SOS1: variants seen among roughly 807,000 people sequenced by gnomAD.
SOS1 encodes the protein son of sevenless homolog 1.
In SOS1, 25 loss-of-function variants were observed where a neutral mutation model predicts 157.6. The ratio of observed to expected loss-of-function variants is 0.16; its 90% CI spans 0.12 to 0.22. The LOEUF is 0.22. Ranked by LOEUF, SOS1 falls within the 10% of genes least tolerant of loss-of-function variation. SOS1 has a pLI of 1.00. For missense variants in SOS1, 1,237 were observed against 1,599.1 expected (o/e 0.77, Z 3.86); for synonymous variants, 528 against 534.0 (o/e 0.99, Z 0.16).
upstream of SOS1, among the ~76,000 whole-genome samples, chr2:39,122,445 T>TACAC (rs1353516539): frequency 7.0e-5 from 2 of 28,762 alleles, no homozygotes; most frequent in African/African-American, 3.4e-4. Flanking sequence ...CAAAAAAAAA[T>TACAC]ATACACACAC....
upstream of SOS1, among the ~76,000 whole-genome samples, chr2:39,121,494 A>C (rs1187798106): frequency 6.6e-6 from 1 of 152,222 alleles, no homozygotes; most frequent in Non-Finnish European, 1.5e-5. Flanking sequence ...CGGTGTTTCT[A>C]AGTGGTCTTT....
chr2:39,016,179 G>A (rs1305541611), intron 10 of SOS1, among the ~76,000 whole-genome samples: 2 of 151,930 alleles, frequency 1.3e-5, no homozygotes, highest in Non-Finnish European at 2.9e-5. Context: ...CTATTGATAT[G>A]TGGTCATCGA....
intron 2 of SOS1, 26 bp from the exon 3 acceptor site, chr2:39,058,830 A>G (rs1280039950): frequency 2.5e-6 from 4 of 1,592,000 alleles, no homozygotes; most frequent in South Asian, 1.1e-5. Context: ...AATAACAACT[A>G]AGCAAAAAAT....
At chr2:39,059,585 T>G (rs935003417) in intron 2 of SOS1, among the ~76,000 whole-genome samples, 13 of 152,192 alleles carry the variant, frequency 8.5e-5, no homozygotes, top group African/African-American at 2.9e-4. Context: ...CACATGTGTT[T>G]TGAATAAATG....
chr2:39,050,101 G>C (rs1420155333), intron 6 of SOS1, among the ~76,000 whole-genome samples: 1 of 152,076 alleles, frequency 6.6e-6, no homozygotes, highest in East Asian at 1.9e-4. Context: ...AGCAGGAATG[G>C]AAGGGCTGTG....
At position 39,052,925 on chromosome 2, in the gene SOS1, G is replaced by A. The variant is rs531008296; in HGVS notation, c.721-1638C>T. On this transcript the variant is annotated intron_variant, in intron 5 of 22. Coordinates refer to ENST00000402219, the MANE Select transcript of SOS1 (RefSeq NM_005633.4). ...TCCAGCATTTTGGGAGGCCAAGGCT[G>A]GCAGATCACTTGAGGTCAGGAGTTC... 2.0e-5 allele frequency among the ~76,000 whole-genome samples: 3 copies of A among 152,344 alleles called. No individual in the cohort carries two copies. The South Asian group carries it at 6.2e-4, about 32-fold the overall frequency.
intron 1 of SOS1, among the ~76,000 whole-genome samples, chr2:39,110,220 C>T (rs944999363): frequency 6.6e-6 from 1 of 152,062 alleles, no homozygotes; most frequent in Non-Finnish European, 1.5e-5. Flanking sequence ...TGCACATCCT[C>T]CCACATACCT....
Position 38,982,695 on chromosome 2 carries a change from G to A in SOS1, c.*3129C>T, listed in dbSNP as rs942653226. 6.6e-6 allele frequency: 1 copy of A among 152,130 alleles called. No homozygotes were observed. The highest frequency in any genetic ancestry group is 1.5e-5 in the Non-Finnish European group (1 of 68,002). The allele number at this position is 152,130 out of a possible 1,614,324, so 9.4% of individuals were successfully genotyped here. ...ATTGGGACACTCCTCCTATTTTGCT[G>A]AGTCACTTAAAAATCTGAATTTAAG... is the stretch of plus-strand genomic sequence containing the variant. On this transcript the variant is annotated 3_prime_UTR_variant, in exon 23 of 23. Transcript: ENST00000402219.
chr2:39,051,098 G>A, intron 6 of SOS1, 46 bp downstream of exon 6: 1 of 1,577,772 alleles, frequency 6.3e-7, no homozygotes, highest in South Asian at 1.1e-5. Context: ...TAATGTAAAT[G>A]TAGGCTTTTA....
intron 6 of SOS1, among the ~76,000 whole-genome samples, chr2:39,049,337 C>T (rs1056079091): frequency 1.3e-5 from 2 of 151,470 alleles, no homozygotes; most frequent in African/African-American, 4.9e-5. Flanking sequence ...CTGGGTCCAG[C>T]AAATGTTATA....
chr2:38,988,745 TTTACC>T (rs1226516101), intron 21 of SOS1, among the ~76,000 whole-genome samples: 1 of 152,126 alleles, frequency 6.6e-6, no homozygotes, highest in Non-Finnish European at 1.5e-5. Context: ...GACTTGTTAG[TTTACC>T]TTACAATTAA....
rs768337141 is a variant in SOS1, at chr2:39,007,034, A to T, written c.2670T>A (p.Phe890Leu). ...SSPVYRLDHT[F>L]EQIPSRQKKI... Reference sequence around the variant, plus strand: ...AAAAACACATGTAGAAACCTACCTCAAATGTGTGGTCTAGTCTGTAAACAG... The same window carrying T: ...AAAAACACATGTAGAAACCTACCTCTAATGTGTGGTCTAGTCTGTAAACAG... The change falls in exon 16 of 23, where the codon TTT becomes TTA. Residue 890 changes from phenylalanine (F) to leucine (L), a missense_variant. By Grantham distance (22) the Phe-to-Leu change is conservative (BLOSUM62 0). Coordinates refer to ENST00000402219, the MANE Select transcript of SOS1 (RefSeq NM_005633.4). 2.5e-6 allele frequency: 4 copies of T among 1,606,908 alleles called. No homozygotes were observed. The highest frequency in any genetic ancestry group is 3.4e-6 in the Non-Finnish European group (4 of 1,173,658).
chr2:39,055,803 G>A lies in SOS1; in HGVS notation c.510+899C>T, dbSNP rs185309625. On this transcript the variant is annotated intron_variant, in intron 4 of 22. Transcript: ENST00000402219. ...AATGACTAAAAGCTTTAGACTCAGA[G>A]AGACCTGGAGTTCAAGTCTAGGCTT... is the stretch of plus-strand genomic sequence containing the variant. Among the ~76,000 whole-genome samples, 158 of 152,288 alleles carry A rather than the reference G, an allele frequency of 1.0e-3. 1 individual carries two copies. In the South Asian group the frequency reaches 0.015, roughly 14 times the overall value.
At chr2:39,040,260 G>T (rs549033600) in intron 6 of SOS1, among the ~76,000 whole-genome samples, 1 of 151,742 alleles carries the variant, frequency 6.6e-6, no homozygotes, top group Non-Finnish European at 1.5e-5. Flanking sequence ...CTTGTGATCC[G>T]CCCGCCTTGG....
At chr2:39,076,072 GA>G (rs1671986529) in intron 1 of SOS1, among the ~76,000 whole-genome samples, 1 of 152,036 alleles carries the variant, frequency 6.6e-6, no homozygotes, top group Non-Finnish European at 1.5e-5. Context: ...ATCTAGGAAA[GA>G]ATAACTGTTC....
At chr2:39,042,446 C>T (rs987708379) in intron 6 of SOS1, among the ~76,000 whole-genome samples, 21 of 152,008 alleles carry the variant, frequency 1.4e-4, no homozygotes, top group African/African-American at 4.3e-4. Flanking sequence ...CTCTGTCACC[C>T]GGGCTGGAGT....
intron 5 of SOS1, among the ~76,000 whole-genome samples, chr2:39,053,954 G>A (rs187232636): frequency 2.0e-4 from 30 of 151,016 alleles, no homozygotes; most frequent in African/African-American, 6.8e-4. Flanking sequence ...CTGAGACGGA[G>A]TCTCGCTCTG....
intron 10 of SOS1, 183 bp downstream of exon 10, chr2:39,022,387 A>AT: frequency 1.6e-6 from 1 of 606,740 alleles, no homozygotes. Context: ...AAAAAAAAGT[A>AT]TTTAAGTGTA....
At chr2:39,011,993 G>T in intron 14 of SOS1, 133 bp downstream of exon 14, 1 of 714,730 alleles carries the variant, frequency 1.4e-6, no homozygotes, top group South Asian at 1.5e-5. Flanking sequence ...TGCCTGCCTG[G>T]CCTTATTACT....
Sources: allele counts gnomAD v4.1 joint callset (sites outside exome capture counted in the v4.1 genomes callset), GRCh38; gene constraint gnomAD v4.1.1; transcripts MANE v1.5; gene names NCBI Gene and HGNC (gene_info 2026-07-23, HGNC 2026-07-21).